TACC3: variants seen among roughly 807,000 people sequenced by gnomAD.
TACC3 encodes the protein transforming acidic coiled-coil containing protein 3, also known as transforming acidic coiled-coil-containing protein 3.
TACC3 carries 52 observed loss-of-function variants against 86.0 expected under a neutral mutation model. The ratio of observed to expected loss-of-function variants is 0.60; its 90% CI spans 0.48 to 0.76. TACC3 has a LOEUF of 0.76. Among genes scored for constraint, TACC3 ranks in the 30% least tolerant of loss-of-function variants. The pLI is 0.00. For synonymous variants in TACC3, 512 were observed against 430.0 expected, an observed-to-expected ratio of 1.19 and a Z score of -2.36; for missense variants, 1,120 against 1,070.4, an observed-to-expected ratio of 1.05 and a Z score of -0.65.
chr4:1,727,735 C>A lies in TACC3; in HGVS notation c.333C>A (p.Ala111=). The A allele has an allele frequency of 6.3e-7, 1 of 1,593,266 alleles. No homozygotes were observed. The highest frequency in any genetic ancestry group is 1.7e-5 in the Admixed American group (1 of 57,248). ...AACAGCTCATCAAGGAAGTGGATGC[C>A]AAAACTACTCATGGAATTCTACAGA... ...ENQQLIKEVD[A]KTTHGILQKP... Residue 111 remains alanine, a synonymous_variant, in exon 4 of 16, where the codon GCC becomes GCA. Transcript: ENST00000313288.
rs1027624256 is a variant in TACC3, at chr4:1,740,257, T to C, written c.2062+255T>C. The C allele has an allele frequency of 9.4e-5, 54 of 576,574 alleles. No homozygotes were observed. The Middle Eastern group carries it at 1.4e-3, about 15-fold the overall frequency. The allele number at this position is 576,574 out of a possible 1,614,324, so 35.7% of individuals were successfully genotyped here. On this transcript the variant is annotated intron_variant, in intron 12 of 15. Coordinates refer to ENST00000313288, the MANE Select transcript of TACC3 (RefSeq NM_006342.3). ...AGTTGTGCAGATGCTGAGCTAGCAG[T>C]GGGGCTGTGGTGGGAGCAGAGTCTG...
At position 1,723,749 on chromosome 4, in the gene TACC3, C is replaced by T. The variant is rs759970838; in HGVS notation, c.184C>T (p.Arg62Trp). The T allele has an allele frequency of 1.6e-5, 26 of 1,613,650 alleles. No individual in the cohort carries two copies. Among genetic ancestry groups the T allele is most frequent in the Non-Finnish European group, 2.1e-5 (25 of 1,180,026 alleles). Residue 62 changes from arginine (R) to tryptophan (W), a missense_variant, in exon 3 of 16, where the codon CGG becomes TGG. Transcript: ENST00000313288. ...ACAGGTGACTTTTCAGACACCTCTG[C>T]GGGATCCACAGACGCACAGGATTCT... ...AMKVTFQTPL[R>W]DPQTHRILSP...
chr4:1,726,147 C>T (rs369533433), intron 3 of TACC3, among the ~76,000 whole-genome samples: 4 of 152,210 alleles, frequency 2.6e-5, no homozygotes, highest in Admixed American at 6.5e-5. Flanking sequence ...CTGTCAGGGG[C>T]CCTGCGCCAT....
intron 1 of TACC3, chr4:1,723,197 C>A: frequency 1.7e-6 from 1 of 583,146 alleles, no homozygotes. Flanking sequence ...CAGTGCTGCC[C>A]ATGGCTCCCC....
At chr4:1,723,127 G>A in intron 1 of TACC3, 2 of 420,012 alleles carry the variant, frequency 4.8e-6, no homozygotes, top group Non-Finnish European at 8.7e-6. Flanking sequence ...ATGCAGGCTT[G>A]GGTTTTCTTT....
At position 1,728,364 on chromosome 4, in the gene TACC3, A is replaced by C; in HGVS notation, c.962A>C (p.Glu321Ala). ...GRAMTLSPQEEVAAGQMASSS... is the reference protein window; with the variant it reads ...GRAMTLSPQEAVAAGQMASSS... The stretch of plus-strand genomic sequence containing the variant: ...GCCATGACCCTGAGTCCTCAGGAAG[A>C]AGTGGCTGCAGGCCAAATGGCCAGC... Residue 321 changes from glutamate to alanine, a missense_variant, in exon 4 of 16, where the codon GAA becomes GCA. By Grantham distance (107) the Glu-to-Ala change is moderately radical. Coordinates refer to ENST00000313288, the MANE Select transcript of TACC3 (RefSeq NM_006342.3). The C allele has an allele frequency of 6.2e-7, 1 of 1,613,126 alleles. No homozygotes were observed. Among genetic ancestry groups the C allele is most frequent in the Admixed American group, 1.7e-5 (1 of 60,032 alleles).
rs770169612 is a variant in TACC3, at chr4:1,735,832, C to G, written c.1746C>G (p.Ser582Arg). The change falls in exon 8 of 16, where the codon AGC becomes AGG. Residue 582 changes from serine to arginine, a missense_variant and splice_region_variant. Physicochemically the swap from Ser to Arg is moderately radical, Grantham distance 110. Coordinates refer to ENST00000313288, the MANE Select transcript of TACC3 (RefSeq NM_006342.3). The surrounding 1 kb of genome is among the most constrained non-coding windows in gnomAD (Gnocchi z 4.2). ...GRPVPVATET[S>R]SMHGANETPS... ...CAGTGCCCGTGGCCACCGAGACCAG[C>G]AGGTATGTGCGCCGGCCCTCCCTCA... The G allele has an allele frequency of 1.9e-6, 3 of 1,587,092 alleles. No homozygotes were observed. The Admixed American group carries it at 5.1e-5, about 27-fold the overall frequency.
chr4:1,727,743 C>T lies in TACC3; in HGVS notation c.341C>T (p.Thr114Ile), dbSNP rs1173299149. The T allele has an allele frequency of 1.3e-6, 2 of 1,598,030 alleles. No individual in the cohort carries two copies. Among genetic ancestry groups the T allele is most frequent in the African/African-American group, 2.7e-5 (2 of 74,346 alleles). Reference protein sequence around the residue: ...QLIKEVDAKTTHGILQKPVEA... With the variant: ...QLIKEVDAKTIHGILQKPVEA... ...ATCAAGGAAGTGGATGCCAAAACTA[C>T]TCATGGAATTCTACAGAAACCAGTG... Residue 114 changes from threonine to isoleucine, a missense_variant, in exon 4 of 16, where the codon ACT (threonine) becomes ATT (isoleucine). Physicochemically the swap from Thr to Ile is moderately conservative, Grantham distance 89. Transcript: ENST00000313288.
intron 3 of TACC3, among the ~76,000 whole-genome samples, chr4:1,727,071 C>T (rs1193216303): frequency 6.6e-6 from 1 of 151,256 alleles, no homozygotes; most frequent in East Asian, 1.9e-4. Flanking sequence ...GTGGAGGTTG[C>T]AGTGAGCCGA....
At position 1,723,560 on chromosome 4, in the gene TACC3, A is replaced by G. The variant is rs1486133371; in HGVS notation, c.139A>G (p.Lys47Glu). 1 of 1,613,536 alleles carries G rather than the reference A, an allele frequency of 6.2e-7. No homozygotes were observed. The highest frequency in any genetic ancestry group is 2.2e-5 in the East Asian group (1 of 44,882). ...RVSQKENVPP[K>E]NLAKAMKVTF... Reference sequence around the variant, plus strand: ...GTCACAGAAAGAAAATGTGCCACCCAAGAACCTGGCCAAAGCTATGAAGGT... The same window carrying G: ...GTCACAGAAAGAAAATGTGCCACCCGAGAACCTGGCCAAAGCTATGAAGGT... Residue 47 changes from lysine (K) to glutamate (E), a missense_variant, in exon 2 of 16, where the codon AAG becomes GAG. Lys to Glu is a moderately conservative substitution (Grantham distance 56). Transcript: ENST00000313288.
Position 1,727,855 on chromosome 4 carries a change from C to A in TACC3, c.453C>A (p.Asp151Glu). ...AGTCTGGCCCAGGTGCCCTGGCTGA[C>A]CTGGACTGCTCAAGCTCTTCCCAGA... ...SSESGPGALA[D>E]LDCSSSSQSP... The change falls in exon 4 of 16, where the codon GAC (aspartate) becomes GAA (glutamate). Residue 151 changes from aspartate to glutamate, a missense_variant. Physicochemically the swap from Asp to Glu is conservative, Grantham distance 45. Transcript: ENST00000313288. 1.9e-6 allele frequency: 3 copies of A among 1,613,528 alleles called. No homozygotes were observed. In the South Asian group the frequency reaches 3.3e-5, roughly 18 times the overall value.
At chr4:1,744,664 G>T in intron 14 of TACC3, 40 bp downstream of exon 14, 1 of 1,612,176 alleles carries the variant, frequency 6.2e-7, no homozygotes, top group Non-Finnish European at 8.5e-7. Flanking sequence ...GGGAGAATCT[G>T]AGCACCTGGG....
At position 1,728,174 on chromosome 4, in the gene TACC3, G is replaced by A. The variant is rs1017927999; in HGVS notation, c.772G>A (p.Glu258Lys). 1 of 1,611,624 alleles carries A rather than the reference G, an allele frequency of 6.2e-7. No homozygotes were observed. Among genetic ancestry groups the A allele is most frequent in the African/African-American group, 1.3e-5 (1 of 74,918 alleles). Residue 258 changes from glutamate (E) to lysine (K), a missense_variant, in exon 4 of 16, where the codon GAA becomes AAA. Transcript: ENST00000313288. The part of the protein sequence containing the change: ...ATSPPGAIPK[E>K]ACGGAPLQGL... ...TTCGCCTCCTGGTGCAATCCCTAAG[G>A]AAGCCTGCGGAGGAGCACCCCTGCA...
upstream of TACC3, chr4:1,721,049 A>G (rs1209040442): frequency 1.0e-5 from 3 of 289,238 alleles, no homozygotes; most frequent in African/African-American, 6.9e-5. Context: ...ACTCTAGGAC[A>G]TGGAGTCCCG....
intron 10 of TACC3, among the ~76,000 whole-genome samples, chr4:1,738,553 G>A (rs977278539): frequency 2.0e-5 from 3 of 152,248 alleles, no homozygotes; most frequent in Non-Finnish European, 4.4e-5. Flanking sequence ...CACAATGCTT[G>A]TTCTCTGGTG....
intron 3 of TACC3, among the ~76,000 whole-genome samples, chr4:1,726,514 G>A (rs947804276): frequency 1.3e-5 from 2 of 152,258 alleles, no homozygotes; most frequent in Non-Finnish European, 2.9e-5. Context: ...GGACAATGTT[G>A]ACTGAGCTTT....
chr4:1,740,890 C>T lies in TACC3; in HGVS notation c.2127C>T (p.Asp709=). 3 of 1,613,118 alleles carry T rather than the reference C, an allele frequency of 1.9e-6. No homozygotes were observed. Among genetic ancestry groups the T allele is most frequent in the Non-Finnish European group, 2.5e-6 (3 of 1,179,756 alleles). ...TCCAGAAAGTTCTAAAAGAAAAAGA[C>T]CAACTTACCACAGATCTGAACTCCA... ...AEIQKVLKEK[D]QLTTDLNSME... Residue 709 remains aspartate, a synonymous_variant, in exon 13 of 16, where the codon GAC becomes GAT. Coordinates refer to ENST00000313288, the MANE Select transcript of TACC3 (RefSeq NM_006342.3).
At position 1,744,704 on chromosome 4, in the gene TACC3, C is replaced by T. The variant is rs767598302; in HGVS notation, c.2331-8C>T. On this transcript the variant is annotated splice_polypyrimidine_tract_variant and splice_region_variant and intron_variant, in intron 14 of 15. Transcript: ENST00000313288. Reference sequence around the variant, plus strand: ...AGCTCAGCCTCTGCCCCGCCCCTACCCCTCCAGGGCAAACGAGGAGATCGC... The same window carrying T: ...AGCTCAGCCTCTGCCCCGCCCCTACTCCTCCAGGGCAAACGAGGAGATCGC... 9.3e-6 allele frequency: 15 copies of T among 1,612,352 alleles called. No individual in the cohort carries two copies. The Admixed American group carries it at 1.0e-4, about 11-fold the overall frequency.
chr4:1,735,707 G>C lies in TACC3; in HGVS notation c.1645-24G>C, dbSNP rs748848208. ...GTGTTAGGGGATGGCAGTCAGACCT[G>C]ATCACTTGCCCTCTTGTCCCCAGTT... On this transcript the variant is annotated intron_variant, in intron 7 of 15. Coordinates refer to ENST00000313288, the MANE Select transcript of TACC3 (RefSeq NM_006342.3). This position sits in a 1 kb window ranked among gnomAD's most constrained non-coding sequence, Gnocchi z 4.2. 2.5e-6 allele frequency: 4 copies of C among 1,588,458 alleles called. No individual in the cohort carries two copies. The African/African-American group carries it at 5.4e-5, about 21-fold the overall frequency.
Sources: allele counts gnomAD v4.1 joint callset (sites outside exome capture counted in the v4.1 genomes callset), GRCh38; gene constraint gnomAD v4.1.1; non-coding constraint Gnocchi (gnomAD v3.1); transcripts MANE v1.5; gene names NCBI Gene and HGNC (gene_info 2026-07-23, HGNC 2026-07-21).